The following LINGO2 variants were observed in gnomAD, a reference collection of about 807,000 sequenced individuals.
LINGO2 encodes the protein leucine-rich repeat and immunoglobulin-like domain-containing nogo receptor-interacting protein 2.
A neutral mutation model predicts 30.6 loss-of-function variants in LINGO2; 14 were observed. The observed-to-expected ratio is 0.46, with a 90% confidence interval of 0.30 to 0.72. The LOEUF is 0.72. Among genes scored for constraint, LINGO2 ranks in the 30% least tolerant of loss-of-function variants. LINGO2 has a pLI of 0.07. For missense variants in LINGO2, 729 were observed against 751.7 expected (o/e 0.97, Z 0.35); for synonymous variants, 317 against 288.5 (o/e 1.10, Z -1.00).
the LINGO2 span, among the ~76,000 whole-genome samples, chr9:29,066,494 T>A: frequency 0.022 from 3,319 of 152,014 alleles, 117 homozygotes; most frequent in African/African-American, 0.074. Flanking sequence ...AGGTACTCAG[T>A]GTATTTGCGA....
chr9:28,220,932 G>A (rs576987509), intron 4 of LINGO2, among the ~76,000 whole-genome samples: 1 of 152,256 alleles, frequency 6.6e-6, no homozygotes, highest in African/African-American at 2.4e-5. Flanking sequence ...ATTACAGTTA[G>A]TAGGAATAAA....
At chr9:27,943,333 CAT>C (rs1489877773), downstream of LINGO2, 1 of 151,884 alleles carries the variant, frequency 6.6e-6, no homozygotes, top group African/African-American at 2.4e-5. Context: ...TTTAGTAAAA[CAT>C]AAATTTGCAT....
the LINGO2 span, among the ~76,000 whole-genome samples, chr9:28,774,877 T>C: frequency 6.6e-6 from 1 of 152,128 alleles, no homozygotes; most frequent in East Asian, 1.9e-4. Context: ...CAGCTGTATA[T>C]ATTTAACCAA....
At chr9:28,018,614 G>T (rs1822958611) in intron 4 of LINGO2, among the ~76,000 whole-genome samples, 1 of 151,966 alleles carries the variant, frequency 6.6e-6, no homozygotes, top group South Asian at 2.1e-4. Flanking sequence ...CTAATCACTG[G>T]GGAAATGCAA....
chr9:28,450,438 G>A (rs111822156), intron 2 of LINGO2, among the ~76,000 whole-genome samples: 2 of 152,162 alleles, frequency 1.3e-5, no homozygotes, highest in African/African-American at 4.8e-5. Context: ...AACAATTAAA[G>A]CAGTTTTGGA....
intron 4 of LINGO2, among the ~76,000 whole-genome samples, chr9:28,246,375 C>T (rs763348545): frequency 6.6e-6 from 1 of 151,738 alleles, no homozygotes; most frequent in Non-Finnish European, 1.5e-5. Context: ...TGCAGTGAGC[C>T]GAGATCTTGC....
chr9:28,651,620 G>A (rs1187205096), intron 1 of LINGO2, among the ~76,000 whole-genome samples: 3 of 152,042 alleles, frequency 2.0e-5, no homozygotes, highest in Non-Finnish European at 4.4e-5. Flanking sequence ...GTTGAGGCAG[G>A]TGAAAATTTC....
intron 1 of LINGO2, among the ~76,000 whole-genome samples, chr9:28,577,215 G>C (rs1824032696): frequency 1.3e-5 from 2 of 152,118 alleles, no homozygotes; most frequent in South Asian, 4.1e-4. Flanking sequence ...TCTTGTTCCA[G>C]AGGTCATAAG....
the LINGO2 span, among the ~76,000 whole-genome samples, chr9:28,701,554 T>G: frequency 3.9e-5 from 6 of 152,062 alleles, no homozygotes; most frequent in African/African-American, 1.4e-4. Context: ...TTACTGTATA[T>G]TTAACACAAA....
At position 28,512,900 on chromosome 9, in the gene LINGO2, T is replaced by C. The variant is rs1006630096; in HGVS notation, c.-364-36875A>G. On this transcript the variant is annotated intron_variant, in intron 1 of 5. Transcript: ENST00000379992. ...TCTCTCTCCCTCCTTTTCATGTTTT[T>C]CTGCCTGCTTTAGTTTCACTTGCAG... Among the ~76,000 whole-genome samples the C allele has an allele frequency of 3.0e-4, 46 of 151,752 alleles. 1 individual carries two copies. The highest frequency in any genetic ancestry group is 3.4e-3 in the Middle Eastern group (1 of 294).
At chr9:29,057,206 C>T in the LINGO2 span, among the ~76,000 whole-genome samples, 29,072 of 151,820 alleles carry the variant, frequency 0.19, 2,842 homozygotes, top group South Asian at 0.21. Flanking sequence ...GTCATTTTCA[C>T]AATATTGATT....
chr9:28,090,322 C>G (rs1320809471), intron 4 of LINGO2, among the ~76,000 whole-genome samples: 1 of 152,134 alleles, frequency 6.6e-6, no homozygotes, highest in Non-Finnish European at 1.5e-5. Flanking sequence ...CAATAAAATA[C>G]TGGCAAACTG....
chr9:28,939,570 A>G, the LINGO2 span, among the ~76,000 whole-genome samples: 1 of 152,154 alleles, frequency 6.6e-6, no homozygotes, highest in Non-Finnish European at 1.5e-5. Context: ...ATATTTCCTA[A>G]TATCTCTGGA....
chr9:29,065,673 A>G, the LINGO2 span, among the ~76,000 whole-genome samples: 1 of 151,918 alleles, frequency 6.6e-6, no homozygotes, highest in Non-Finnish European at 1.5e-5. Context: ...CTTTAAACCT[A>G]TTCAATCCCT....
intron 2 of LINGO2, among the ~76,000 whole-genome samples, chr9:28,465,934 G>A (rs1825283109): frequency 3.3e-5 from 5 of 152,040 alleles, no homozygotes; most frequent in Admixed American, 3.3e-4. Context: ...CAGTTAAAAT[G>A]GTTTTTATCC....
At chr9:27,988,247 C>T (rs543767803) in intron 5 of LINGO2, among the ~76,000 whole-genome samples, 12 of 152,150 alleles carry the variant, frequency 7.9e-5, no homozygotes, top group Non-Finnish European at 1.3e-4. Flanking sequence ...TCCAGTCTAT[C>T]GTTGATGGAC....
chr9:28,280,038 A>ATAAG (rs1186367657), intron 4 of LINGO2, among the ~76,000 whole-genome samples: 2 of 152,192 alleles, frequency 1.3e-5, no homozygotes, highest in African/African-American at 4.8e-5. Flanking sequence ...GCACAGTGTT[A>ATAAG]TAAGATGGCA....
intron 1 of LINGO2, among the ~76,000 whole-genome samples, chr9:28,564,140 G>T (rs1823244088): frequency 6.6e-6 from 1 of 152,056 alleles, no homozygotes; most frequent in Non-Finnish European, 1.5e-5. Context: ...AAAAAGAATT[G>T]TGGGGAAAAG....
At chr9:28,462,238 A>C (rs1248078798) in intron 2 of LINGO2, among the ~76,000 whole-genome samples, 1 of 152,032 alleles carries the variant, frequency 6.6e-6, no homozygotes, top group Non-Finnish European at 1.5e-5. Flanking sequence ...AATTGTTAGT[A>C]ACTGTTGCAG....
Sources: gnomAD v4.1 joint callset for allele counts (sites outside exome capture counted in the v4.1 genomes callset) on GRCh38, gnomAD v4.1.1 for gene constraint, MANE v1.5 for transcripts, NCBI Gene and HGNC (gene_info 2026-07-23, HGNC 2026-07-21) for gene names.